The following ITPK1 variants were observed in gnomAD, a reference collection of about 807,000 sequenced individuals.
ITPK1 encodes inositol 1,3,4-trisphosphate 5/6-kinase.
In ITPK1, 21 loss-of-function variants were observed where a neutral mutation model predicts 45.3. The ratio of observed to expected loss-of-function variants is 0.46; its 90% CI spans 0.33 to 0.67. ITPK1 has a LOEUF of 0.67. Ranked by LOEUF, ITPK1 falls within the 30% of genes least tolerant of loss-of-function variation. ITPK1 has a pLI of 0.02. For missense variants in ITPK1, 474 were observed against 573.5 expected (o/e 0.83, Z 1.77); for synonymous variants, 258 against 253.6 (o/e 1.02, Z -0.16).
chr14:93,045,629 T>C (rs988136314), intron 3 of ITPK1, among the ~76,000 whole-genome samples: 2 of 152,196 alleles, frequency 1.3e-5, no homozygotes, highest in Non-Finnish European at 2.9e-5. Flanking sequence ...AAATAGCCAC[T>C]GTACTCCAGC....
chr14:92,989,134 T>C (rs1886650668), intron 5 of ITPK1, among the ~76,000 whole-genome samples: 1 of 152,206 alleles, frequency 6.6e-6, no homozygotes, highest in Non-Finnish European at 1.5e-5. Flanking sequence ...CTCTAAGGAA[T>C]GTTACTTTCT....
intron 5 of ITPK1, among the ~76,000 whole-genome samples, chr14:92,983,697 A>AG (rs1250326564): frequency 1.3e-5 from 2 of 152,246 alleles, no homozygotes; most frequent in Admixed American, 6.5e-5. Context: ...AACTTTTTGA[A>AG]GGGCAATCCA....
At chr14:93,085,526 T>A (rs1891615354) in intron 2 of ITPK1, among the ~76,000 whole-genome samples, 1 of 151,798 alleles carries the variant, frequency 6.6e-6, no homozygotes, top group Non-Finnish European at 1.5e-5. Flanking sequence ...AGAGACAGAG[T>A]GGGTGACCCA....
chr14:92,964,594 C>T (rs996783035), intron 5 of ITPK1, among the ~76,000 whole-genome samples: 16 of 152,188 alleles, frequency 1.1e-4, no homozygotes, highest in African/African-American at 3.9e-4. Context: ...GGTGCTCAGG[C>T]CTGAATTTAA....
intron 2 of ITPK1, among the ~76,000 whole-genome samples, chr14:93,106,215 A>G (rs1049954638): frequency 6.6e-6 from 1 of 151,876 alleles, no homozygotes; most frequent in Admixed American, 6.6e-5. Context: ...CATTTCCAGA[A>G]CACAAAGGCT....
intron 4 of ITPK1, among the ~76,000 whole-genome samples, chr14:92,997,294 G>C (rs920993866): frequency 1.3e-5 from 2 of 152,196 alleles, no homozygotes; most frequent in African/African-American, 4.8e-5. Context: ...TATGCGTTAG[G>C]ACAGTGACCT....
At chr14:93,046,198 T>C (rs1172262955) in intron 3 of ITPK1, among the ~76,000 whole-genome samples, 6 of 152,230 alleles carry the variant, frequency 3.9e-5, no homozygotes, top group Non-Finnish European at 7.3e-5. Flanking sequence ...CAAACAGGAC[T>C]TTCTTGTGGC....
intron 3 of ITPK1, among the ~76,000 whole-genome samples, chr14:93,019,168 C>T (rs530490809): frequency 2.6e-5 from 4 of 152,204 alleles, no homozygotes; most frequent in East Asian, 1.9e-4. Context: ...AAGACAGCTA[C>T]GAGCGCAGGG....
intron 3 of ITPK1, among the ~76,000 whole-genome samples, chr14:93,040,780 G>A (rs1308592053): frequency 2.0e-5 from 3 of 152,132 alleles, no homozygotes; most frequent in Non-Finnish European, 2.9e-5. Context: ...GCCTCCCTCT[G>A]GGTGGGGCCG....
In ITPK1 at chr14:93,032,030, G is replaced by A. The variant is rs1740695; in HGVS notation, c.121-15229C>T. Among the ~76,000 whole-genome samples the A allele has an allele frequency of 0.36, 54,870 of 152,094 alleles. 10,436 individuals carry two copies. The highest frequency in any genetic ancestry group is 0.41 in the Non-Finnish European group (28,209 of 67,986). The stretch of plus-strand genomic sequence containing the variant: ...TCCGAAGAGAGCATTCCTTGAGGCA[G>A]TTTTCCAAACTGGTATTTGATATAA... On this transcript the variant is annotated intron_variant, in intron 3 of 10. Transcript: ENST00000267615. This position sits in a 1 kb window ranked among gnomAD's most constrained non-coding sequence, Gnocchi z 4.0.
At chr14:92,947,498 A>C (rs958568787) in intron 9 of ITPK1, among the ~76,000 whole-genome samples, 6 of 152,346 alleles carry the variant, frequency 3.9e-5, no homozygotes, top group African/African-American at 1.4e-4. Context: ...GTGGGTTCCA[A>C]ACCTGACAGT....
rs548789541 is a variant in ITPK1, at chr14:93,038,273, G to T, written c.121-21472C>A. 3.3e-5 allele frequency among the ~76,000 whole-genome samples: 5 copies of T among 152,226 alleles called. No individual in the cohort carries two copies. In the South Asian group the frequency reaches 8.3e-4, roughly 25 times the overall value. On this transcript the variant is annotated intron_variant, in intron 3 of 10. Coordinates refer to ENST00000267615, the MANE Select transcript of ITPK1 (RefSeq NM_014216.6). ...TGGTCTCAAACTCCTGACCTCACGTGATCTGCCCACCTCAGCCTCCCAAAG... is the reference window on the plus strand; with the variant it reads ...TGGTCTCAAACTCCTGACCTCACGTTATCTGCCCACCTCAGCCTCCCAAAG...
intron 5 of ITPK1, among the ~76,000 whole-genome samples, chr14:92,973,862 G>T (rs1885790898): frequency 6.6e-6 from 1 of 152,212 alleles, no homozygotes; most frequent in African/African-American, 2.4e-5. Flanking sequence ...AGCCAGAAGA[G>T]AGGGGCTGGA....
In ITPK1 at chr14:92,982,118, T is replaced by C. The variant is rs1035043861; in HGVS notation, c.364+11762A>G. Among the ~76,000 whole-genome samples, 4 of 152,218 alleles carry C rather than the reference T, an allele frequency of 2.6e-5. No homozygotes were observed. The East Asian group carries it at 7.7e-4, about 29-fold the overall frequency. ...GACAGGGCCTGGAGAGATGCAATGA[T>C]AGCAATTAAATTCCATTGAACTTAT... On this transcript the variant is annotated intron_variant, in intron 5 of 10. Transcript: ENST00000267615.
rs536781848 is a variant in ITPK1 at position 93,063,770 on chromosome 14, T to A, written c.120+12825A>T. ...CATGCTAGGCTGTGACAAGCCCACCTGTGTGAGCCTCAGTCCTCTCACCTG... is the reference window on the plus strand; with the variant it reads ...CATGCTAGGCTGTGACAAGCCCACCAGTGTGAGCCTCAGTCCTCTCACCTG... On this transcript the variant is annotated intron_variant, in intron 3 of 10. Transcript: ENST00000267615. This position sits in a 1 kb window ranked among gnomAD's most constrained non-coding sequence, Gnocchi z 4.3. Among the ~76,000 whole-genome samples the A allele has an allele frequency of 2.0e-5, 3 of 152,334 alleles. No individual in the cohort carries two copies. The East Asian group carries it at 5.8e-4, about 29-fold the overall frequency.
In ITPK1 at chr14:92,955,155, G is replaced by A. The variant is rs913347664; in HGVS notation, c.670+3046C>T. Among the ~76,000 whole-genome samples, 12 of 152,326 alleles carry A rather than the reference G, an allele frequency of 7.9e-5. No homozygotes were observed. The East Asian group carries it at 2.1e-3, about 27-fold the overall frequency. ...CAGCAGACTATAGGCTGTAAGCCCG[G>A]CCACCTGCACTTGTAAATAAAGTTT... On this transcript the variant is annotated intron_variant, in intron 8 of 10. Transcript: ENST00000267615.
intron 2 of ITPK1, among the ~76,000 whole-genome samples, chr14:93,109,441 A>AT (rs1015386403): frequency 6.6e-6 from 1 of 152,000 alleles, no homozygotes; most frequent in African/African-American, 2.4e-5. Context: ...AGTCCTCTGA[A>AT]TTTTTTTTAA....
At chr14:92,994,577 C>G (rs541185159) in intron 4 of ITPK1, among the ~76,000 whole-genome samples, 56 of 152,272 alleles carry the variant, frequency 3.7e-4, no homozygotes, top group African/African-American at 1.3e-3. Flanking sequence ...GGGAATAACC[C>G]TAACTTACAT....
intron 2 of ITPK1, among the ~76,000 whole-genome samples, chr14:93,089,085 C>T (rs1426776279): frequency 1.6e-4 from 25 of 152,186 alleles, no homozygotes; most frequent in Admixed American, 1.6e-3. Context: ...TTGTTCTGGA[C>T]AGAGCTGCCT....
Sources: gnomAD v4.1 joint callset for allele counts (sites outside exome capture counted in the v4.1 genomes callset) on GRCh38, gnomAD v4.1.1 for gene constraint, Gnocchi (gnomAD v3.1) non-coding constraint, MANE v1.5 for transcripts, NCBI Gene and HGNC (gene_info 2026-07-23, HGNC 2026-07-21) for gene names.